The following GPHN variants were observed in gnomAD, a reference collection of about 807,000 sequenced individuals.
GPHN encodes the protein gephyrin.
In GPHN, 17 loss-of-function variants were observed where a neutral mutation model predicts 95.5. That is an observed-to-expected ratio of 0.18 (90% CI 0.12 to 0.27). The LOEUF (loss-of-function observed/expected upper bound fraction) is 0.27, where lower values mean the gene tolerates loss of function less well. Ranked by LOEUF, GPHN falls within the 10% of genes least tolerant of loss-of-function variation. The probability of loss-of-function intolerance (pLI) is 1.00; values close to 1 mark genes in which losing one functional copy is unlikely to be tolerated. For synonymous variants in GPHN, 320 were observed against 322.5 expected (o/e 0.99, Z 0.08); for missense variants, 660 against 978.1 (o/e 0.67, Z 4.34).
intron 1 of GPHN, among the ~76,000 whole-genome samples, chr14:66,544,842 C>T (rs1018864889): frequency 1.8e-4 from 28 of 151,882 alleles, no homozygotes; most frequent in South Asian, 1.0e-3. Context: ...CATCTTGCAC[C>T]GCCCTTAATC....
chr14:66,711,748 A>AC lies in GPHN; in HGVS notation c.143+30570dup, dbSNP rs1188815259. Among the ~76,000 whole-genome samples, 7 of 140,502 alleles carry AC rather than the reference A, an allele frequency of 5.0e-5. No individual in the cohort carries two copies. The East Asian group carries it at 8.1e-4, about 16-fold the overall frequency. The allele number at this position is 140,502 out of a possible 152,430, so 92.2% of individuals were successfully genotyped here. ...AATGCTATCCCTCCCCCAGCCCCCT[A>AC]CCCCCCCACAGGCCCCAGTGTGTGA... On this transcript the variant is annotated intron_variant, in intron 2 of 22. Transcript: ENST00000478722.
chr14:67,620,990 T>C, the GPHN span: 3 of 1,608,696 alleles, frequency 1.9e-6, no homozygotes, highest in African/African-American at 2.7e-5. Context: ...TTTTTAGATA[T>C]TAGTGCAGGA....
chr14:67,721,998 C>T, the GPHN span, among the ~76,000 whole-genome samples: 3 of 152,040 alleles, frequency 2.0e-5, no homozygotes, highest in African/African-American at 4.8e-5. Flanking sequence ...GTGCACAAGT[C>T]GAAAGCATAC....
chr14:67,201,399 C>CA, the GPHN span: 1 of 455,774 alleles, frequency 2.2e-6, no homozygotes, highest in South Asian at 1.6e-5. Context: ...TAGAAGACCC[C>CA]AATTCTCTCT....
At chr14:66,648,519 G>C (rs2064875234) in intron 1 of GPHN, among the ~76,000 whole-genome samples, 2 of 152,106 alleles carry the variant, frequency 1.3e-5, no homozygotes, top group South Asian at 2.1e-4. Context: ...TCTGTGTTTA[G>C]ATAGGTATTT....
At chr14:66,526,644 A>G (rs2058704480) in intron 1 of GPHN, among the ~76,000 whole-genome samples, 1 of 152,136 alleles carries the variant, frequency 6.6e-6, no homozygotes, top group Non-Finnish European at 1.5e-5. Flanking sequence ...TTATTTTGAG[A>G]TACATTCCAT....
At chr14:67,136,528 C>T (rs1390240498) in intron 17 of GPHN, among the ~76,000 whole-genome samples, 1 of 152,118 alleles carries the variant, frequency 6.6e-6, no homozygotes, top group Non-Finnish European at 1.5e-5. Flanking sequence ...ATCTGGATCC[C>T]AACCAACCAC....
chr14:67,603,997 T>TTTTG, the GPHN span, among the ~76,000 whole-genome samples: 1 of 126,944 alleles, frequency 7.9e-6, no homozygotes, highest in African/African-American at 3.0e-5. Flanking sequence ...TTGTTTTTTG[T>TTTTG]TTTTGTTTTT....
the GPHN span, chr14:67,691,939 G>A: frequency 6.5e-6 from 1 of 153,966 alleles, no homozygotes; most frequent in Non-Finnish European, 1.4e-5. Context: ...TGCCAGCTCG[G>A]GTTCTAATTT....
the GPHN span, among the ~76,000 whole-genome samples, chr14:67,414,654 T>C: frequency 4.9e-4 from 75 of 152,250 alleles, no homozygotes; most frequent in Non-Finnish European, 9.4e-4. Context: ...TGTTTAAGTA[T>C]AGGTGACTCA....
the GPHN span, among the ~76,000 whole-genome samples, chr14:67,307,242 C>A: frequency 4.0e-5 from 6 of 151,674 alleles, no homozygotes; most frequent in South Asian, 1.2e-3. Flanking sequence ...TTCTCTCGGC[C>A]TTTTTAAAAA....
chr14:67,168,603 C>T (rs183923080), intron 20 of GPHN, among the ~76,000 whole-genome samples: 429 of 152,056 alleles, frequency 2.8e-3, no homozygotes, highest in Middle Eastern at 0.027. Flanking sequence ...AACTTGTAAA[C>T]GGCTTTAAAA....
At chr14:66,786,159 AAAGGAGAAAGGGC>A (rs1403706644) in intron 3 of GPHN, among the ~76,000 whole-genome samples, 2 of 152,140 alleles carry the variant, frequency 1.3e-5, no homozygotes, top group Non-Finnish European at 2.9e-5. Flanking sequence ...TTGCAAAGAT[AAAGGAGAAAGGGC>A]ACAATCACCA....
At chr14:67,331,434 A>T in the GPHN span, among the ~76,000 whole-genome samples, 1 of 152,090 alleles carries the variant, frequency 6.6e-6, no homozygotes, top group Admixed American at 6.6e-5. Flanking sequence ...AATTGTGCTA[A>T]GAAAATGATG....
At chr14:67,618,539 A>T in the GPHN span, among the ~76,000 whole-genome samples, 2 of 145,882 alleles carry the variant, frequency 1.4e-5, no homozygotes, top group South Asian at 2.2e-4. Flanking sequence ...ACATCCAGCT[A>T]TTTTTTTTTT....
At chr14:66,899,936 T>C (rs2098846770) in intron 5 of GPHN, among the ~76,000 whole-genome samples, 1 of 151,940 alleles carries the variant, frequency 6.6e-6, no homozygotes, top group Non-Finnish European at 1.5e-5. Context: ...AATTGAATTT[T>C]CTTAAAAGTT....
the GPHN span, chr14:67,292,599 A>G: frequency 1.9e-6 from 3 of 1,613,710 alleles, no homozygotes; most frequent in South Asian, 1.1e-5. Context: ...TGCTTTTACA[A>G]CTTGTTCAAA....
At chr14:67,530,373 A>T in the GPHN span, among the ~76,000 whole-genome samples, 2 of 152,196 alleles carry the variant, frequency 1.3e-5, no homozygotes, top group African/African-American at 4.8e-5. Context: ...ATAAAGCTTA[A>T]ACTGAGCTCT....
Position 66,860,547 on chromosome 14 carries a change from C to T in GPHN, c.295-19392C>T, listed in dbSNP as rs149742847. On this transcript the variant is annotated intron_variant, in intron 4 of 22. Coordinates refer to ENST00000478722, the MANE Select transcript of GPHN (RefSeq NM_020806.5). Reference sequence around the variant, plus strand: ...ATGAGCAATAAAAAATATCATCTGACAGTGCAAAACTCACTGGTAGTAGTA... The same window carrying T: ...ATGAGCAATAAAAAATATCATCTGATAGTGCAAAACTCACTGGTAGTAGTA... Among the ~76,000 whole-genome samples, 10 of 151,954 alleles carry T rather than the reference C, an allele frequency of 6.6e-5. No individual in the cohort carries two copies. The East Asian group carries it at 1.7e-3, about 27-fold the overall frequency.
Sources: allele counts gnomAD v4.1 joint callset (sites outside exome capture counted in the v4.1 genomes callset), GRCh38; gene constraint gnomAD v4.1.1; transcripts MANE v1.5; gene names NCBI Gene and HGNC (gene_info 2026-07-23, HGNC 2026-07-21).